Variants in ANPEP observed in about 807,000 individuals in gnomAD.
ANPEP encodes aminopeptidase N.
A neutral mutation model predicts 114.6 loss-of-function variants in ANPEP; 70 were observed. That is an observed-to-expected ratio of 0.61 (90% confidence interval 0.50 to 0.75). The LOEUF is 0.75. Ranked by LOEUF, ANPEP falls within the 30% of genes least tolerant of loss-of-function variation. The probability of loss-of-function intolerance (pLI) is 0.00; values close to 1 mark genes in which losing one functional copy is unlikely to be tolerated. For missense variants in ANPEP, 1,184 were observed against 1,259.5 expected, an observed-to-expected ratio of 0.94 and a Z score of 0.91; for synonymous variants, 548 against 522.3, an observed-to-expected ratio of 1.05 and a Z score of -0.67.
Position 89,792,454 on chromosome 15 carries a change from G to A in ANPEP, c.2358C>T (p.Asn786=). Residue 786 remains asparagine, a splice_region_variant and synonymous_variant, in exon 17 of 21, where the codon AAC becomes AAT. Transcript: ENST00000300060. ...FKQWMENPNN[N]PIHPNLRSTV... is the part of the protein sequence containing the mutation. ...GGAGGCGCAGGGGAGACACTCACGGGTTATTATTGGGGTTCTCCATCCACT... is the reference window on the plus strand; with the variant it reads ...GGAGGCGCAGGGGAGACACTCACGGATTATTATTGGGGTTCTCCATCCACT... 6.2e-7 allele frequency: 1 copy of A among 1,614,014 alleles called. No homozygotes were observed. The highest frequency in any genetic ancestry group is 1.1e-5 in the South Asian group (1 of 91,066).
chr15:89,791,093 C>T lies in ANPEP; in HGVS notation c.2529G>A (p.Arg843=), dbSNP rs1027942019. The change falls in exon 19 of 21, where the codon AGG becomes AGA. Residue 843 remains arginine, a splice_region_variant and synonymous_variant. Coordinates refer to ENST00000300060, the MANE Select transcript of ANPEP (RefSeq NM_001150.3). ...ACSKELWILN[R]YLSYTLNPDL... Reference sequence around the variant, plus strand: ...CCGGGTTCAGGGTGTAGCTCAGGTACCTAAGAGGGCCAGATGCTGTCTCAG... The same window carrying T: ...CCGGGTTCAGGGTGTAGCTCAGGTATCTAAGAGGGCCAGATGCTGTCTCAG... The T allele has an allele frequency of 6.2e-7, 1 of 1,613,908 alleles. No homozygotes were observed. Among genetic ancestry groups the T allele is most frequent in the Non-Finnish European group, 8.5e-7 (1 of 1,179,848 alleles).
chr15:89,795,081 C>A (rs945125450), intron 15 of ANPEP, among the ~76,000 whole-genome samples: 7 of 114,666 alleles, frequency 6.1e-5, no homozygotes, highest in South Asian at 5.5e-4. Flanking sequence ...CAAGAGGAAA[C>A]GAGTCAATGG....
intron 15 of ANPEP, 71 bp from the exon 16 acceptor site, chr15:89,793,197 G>C: frequency 1.4e-6 from 2 of 1,385,314 alleles, no homozygotes; most frequent in Non-Finnish European, 2.0e-6. Context: ...CAGAGCCTCT[G>C]ATGTTGGGGG....
At chr15:89,791,205 C>A (rs1249990212) in intron 18 of ANPEP, 112 bp from the exon 19 acceptor site, 2 of 1,282,916 alleles carry the variant, frequency 1.6e-6, no homozygotes, top group African/African-American at 3.0e-5. Flanking sequence ...ATCCCCTCGG[C>A]CTGCCAGGGG....
At position 89,797,582 on chromosome 15, in the gene ANPEP, G is replaced by A; in HGVS notation, c.2150C>T (p.Pro717Leu). The A allele has an allele frequency of 6.2e-7, 1 of 1,612,858 alleles. No homozygotes were observed. The highest frequency in any genetic ancestry group is 8.5e-7 in the Non-Finnish European group (1 of 1,179,392). Residue 717 changes from proline (P) to leucine (L), a missense_variant, in exon 15 of 21, where the codon CCC becomes CTC. By Grantham distance (98) the Pro-to-Leu change is moderately conservative (BLOSUM62 -3). Coordinates refer to ENST00000300060, the MANE Select transcript of ANPEP (RefSeq NM_001150.3). ...TACCATGCACCTCCGTACCTTCATGGGGCCATAGACCTCGGAGCGGTCAAA... is the reference window on the plus strand; with the variant it reads ...TACCATGCACCTCCGTACCTTCATGAGGCCATAGACCTCGGAGCGGTCAAA... ...LMFDRSEVYGPMKNYLKKQVT... is the reference protein window; with the variant it reads ...LMFDRSEVYGLMKNYLKKQVT...
chr15:89,789,990 C>T (rs1968586019), intron 20 of ANPEP, among the ~76,000 whole-genome samples: 1 of 145,980 alleles, frequency 6.9e-6, no homozygotes, highest in South Asian at 2.2e-4. Flanking sequence ...ACCCGGGAGG[C>T]GGAGCTTGCA....
rs1237478129 is a variant in ANPEP, at chr15:89,792,248, C to G, written c.2440G>C (p.Glu814Gln). 9 of 1,614,108 alleles carry G rather than the reference C, an allele frequency of 5.6e-6. No individual in the cohort carries two copies. Among genetic ancestry groups the G allele is most frequent in the Non-Finnish European group, 7.6e-6 (9 of 1,180,054 alleles). ...GGEEEWDFAWEQFRNATLVNE... is the reference protein window; with the variant it reads ...GGEEEWDFAWQQFRNATLVNE... ...ACCAGTGTGGCATTTCGGAACTGCTCCCAGGCGAAGTCCCACTCCTCCTCC... is the reference window on the plus strand; with the variant it reads ...ACCAGTGTGGCATTTCGGAACTGCTGCCAGGCGAAGTCCCACTCCTCCTCC... Residue 814 changes from glutamate (E) to glutamine (Q), a missense_variant, in exon 18 of 21, where the codon GAG becomes CAG. By Grantham distance (29) the Glu-to-Gln change is conservative. Transcript: ENST00000300060.
At position 89,813,998 on chromosome 15, in the gene ANPEP, G is replaced by T. The variant is rs75975765; in HGVS notation, c.-224+774C>A. Among the ~76,000 whole-genome samples the T allele has an allele frequency of 3.2e-4, 48 of 149,184 alleles. 3 individuals carry two copies. The highest frequency in any genetic ancestry group is 1.1e-3 in the South Asian group (5 of 4,670). ...CCCTGCCCACCGCACTGCTGGGGGGGGGGGGTGCGTTCTGGAGTCATTTGG... is the reference window on the plus strand; with the variant it reads ...CCCTGCCCACCGCACTGCTGGGGGGTGGGGGTGCGTTCTGGAGTCATTTGG... On this transcript the variant is annotated intron_variant, in intron 1 of 20. Transcript: ENST00000300060.
rs770920877 is a variant in ANPEP, at chr15:89,806,427, C to A, written c.157G>T (p.Ala53Ser). ...SSPVASTTPS[A>S]SATTNPASAT... Reference sequence around the variant, plus strand: ...GAGGCGGGGTTGGTGGTGGCTGAGGCGGACGGGGTGGTGGAGGCCACGGGG... The same window carrying A: ...GAGGCGGGGTTGGTGGTGGCTGAGGAGGACGGGGTGGTGGAGGCCACGGGG... Residue 53 changes from alanine (A) to serine (S), a missense_variant, in exon 2 of 21, where the codon GCC becomes TCC. Coordinates refer to ENST00000300060, the MANE Select transcript of ANPEP (RefSeq NM_001150.3). The surrounding 1 kb of genome is among the most constrained non-coding windows in gnomAD (Gnocchi z 5.7). The A allele has an allele frequency of 1.2e-6, 2 of 1,613,876 alleles. No homozygotes were observed. Among genetic ancestry groups the A allele is most frequent in the East Asian group, 4.5e-5 (2 of 44,892 alleles).
chr15:89,813,992 G>GGGGT (rs1894861013), intron 1 of ANPEP, among the ~76,000 whole-genome samples: 1 of 83,010 alleles, frequency 1.2e-5, no homozygotes, highest in South Asian at 3.2e-4. Context: ...CCGCACTGCT[G>GGGGT]GGGGGGGGGG....
intron 20 of ANPEP, among the ~76,000 whole-genome samples, chr15:89,789,772 T>A (rs1217895264): frequency 3.9e-5 from 2 of 51,166 alleles, no homozygotes; most frequent in African/African-American, 2.1e-4. Context: ...CGAGACTCAG[T>A]CTCAAAAAAA....
intron 20 of ANPEP, among the ~76,000 whole-genome samples, chr15:89,786,170 A>C (rs991070714): frequency 3.9e-5 from 6 of 152,210 alleles, no homozygotes; most frequent in African/African-American, 1.4e-4. Context: ...TAGCATCAAC[A>C]AGAATAAAAT....
intron 15 of ANPEP, among the ~76,000 whole-genome samples, chr15:89,796,570 C>A (rs978616711): frequency 6.6e-6 from 1 of 152,028 alleles, no homozygotes; most frequent in African/African-American, 2.4e-5. Flanking sequence ...TCACTGCAAG[C>A]TCCACCTCCC....
In ANPEP at chr15:89,806,967, C is replaced by T. The variant is rs1337828909; in HGVS notation, c.-223-161G>A. On this transcript the variant is annotated intron_variant, in intron 1 of 20. Transcript: ENST00000300060. The surrounding 1 kb of genome is among the most constrained non-coding windows in gnomAD (Gnocchi z 5.7). ...AGAGCTGAGAGGGTGGGAACAGCAT[C>T]AGAACTGAGGTTAGAGTCAGGGAAG... The T allele has an allele frequency of 9.6e-6, 2 of 207,902 alleles. No individual in the cohort carries two copies. The highest frequency in any genetic ancestry group is 4.6e-5 in the African/African-American group (2 of 43,956). The allele number at this position is 207,902 out of a possible 1,614,324, so 12.9% of individuals were successfully genotyped here.
chr15:89,800,146 C>T (rs1413766388), intron 12 of ANPEP, among the ~76,000 whole-genome samples: 3 of 152,208 alleles, frequency 2.0e-5, no homozygotes, highest in African/African-American at 4.8e-5. Flanking sequence ...TTGGGCACAC[C>T]TCTGCCCTAG....
At chr15:89,787,040 C>CTTTTTT (rs1015822999) in intron 20 of ANPEP, among the ~76,000 whole-genome samples, 1 of 91,042 alleles carries the variant, frequency 1.1e-5, no homozygotes, top group Non-Finnish European at 2.1e-5. Flanking sequence ...TAATAAAACT[C>CTTTTTT]TTTTTTTTTT....
chr15:89,813,556 T>A (rs1428087806), intron 1 of ANPEP, among the ~76,000 whole-genome samples: 1 of 151,802 alleles, frequency 6.6e-6, no homozygotes, highest in African/African-American at 2.4e-5. Context: ...TGGCTGAGAG[T>A]GGATGAGGGC....
At chr15:89,791,195 A>C in intron 18 of ANPEP, 102 bp from the exon 19 acceptor site, 1 of 1,361,982 alleles carries the variant, frequency 7.3e-7, no homozygotes. Context: ...TCCTCTCAAC[A>C]TCCCCTCGGC....
chr15:89,801,239 G>A (rs2141804309), intron 11 of ANPEP, 52 bp from the exon 12 acceptor site: 1 of 1,585,298 alleles, frequency 6.3e-7, no homozygotes, highest in African/African-American at 1.3e-5. Flanking sequence ...GTCACTGCCA[G>A]TGAGGAGCAG....
Sources: allele counts gnomAD v4.1 joint callset (sites outside exome capture counted in the v4.1 genomes callset), GRCh38; gene constraint gnomAD v4.1.1; non-coding constraint Gnocchi (gnomAD v3.1); transcripts MANE v1.5; gene names NCBI Gene and HGNC (gene_info 2026-07-23, HGNC 2026-07-21).